The following MECOM variants were observed in gnomAD, a reference collection of about 807,000 sequenced individuals.
MECOM encodes histone-lysine N-methyltransferase MECOM.
MECOM carries 13 observed loss-of-function variants against 116.3 expected under a neutral mutation model. That is an observed-to-expected ratio of 0.11 (90% CI 0.07 to 0.18). The LOEUF (loss-of-function observed/expected upper bound fraction) is 0.18. Among genes scored for constraint, MECOM ranks in the 10% least tolerant of loss-of-function variants. MECOM has a pLI of 1.00. For missense variants in MECOM, 1,299 were observed against 1,509.0 expected, an observed-to-expected ratio of 0.86 and a Z score of 2.31; for synonymous variants, 528 against 535.2, an observed-to-expected ratio of 0.99 and a Z score of 0.19.
chr3:169,098,538 C>T (rs1425698436), intron 12 of MECOM, among the ~76,000 whole-genome samples: 1 of 152,092 alleles, frequency 6.6e-6, no homozygotes, highest in Non-Finnish European at 1.5e-5. Flanking sequence ...GCATTGTTAA[C>T]CCTGATCATT....
At chr3:169,513,704 C>A (rs1014701962) in intron 1 of MECOM, among the ~76,000 whole-genome samples, 6 of 152,148 alleles carry the variant, frequency 3.9e-5, no homozygotes, top group Non-Finnish European at 8.8e-5. Context: ...GGCCTTTTTG[C>A]ATGCATTACA....
intron 1 of MECOM, among the ~76,000 whole-genome samples, chr3:169,605,084 GA>G (rs1378836639): frequency 2.0e-5 from 3 of 152,138 alleles, no homozygotes; most frequent in African/African-American, 4.8e-5. Flanking sequence ...TGGAAGGTCA[GA>G]AAACTCTGAG....
At chr3:169,202,219 C>T (rs1373039932) in intron 2 of MECOM, among the ~76,000 whole-genome samples, 1 of 152,048 alleles carries the variant, frequency 6.6e-6, no homozygotes, top group Admixed American at 6.6e-5. Flanking sequence ...TTCTTACCAC[C>T]TTTTTAAAAA....
At chr3:169,090,387 A>G in intron 14 of MECOM, 151 bp from the exon 15 acceptor site, 1 of 663,460 alleles carries the variant, frequency 1.5e-6, no homozygotes, top group East Asian at 2.8e-5. Context: ...TCAACCATGA[A>G]AAAATAATGT....
intron 1 of MECOM, among the ~76,000 whole-genome samples, chr3:169,583,721 T>TA (rs1475306660): frequency 6.6e-6 from 1 of 152,040 alleles, no homozygotes; most frequent in Middle Eastern, 3.2e-3. Flanking sequence ...CAGAACTCAC[T>TA]ACAGCCTCTA....
intron 1 of MECOM, among the ~76,000 whole-genome samples, chr3:169,615,536 T>A (rs749959466): frequency 6.6e-6 from 1 of 152,166 alleles, no homozygotes; most frequent in African/African-American, 2.4e-5. Flanking sequence ...ATGTTGAAAT[T>A]TTCAAAAATC....
chr3:169,426,360 T>G (rs1303864172), intron 1 of MECOM, among the ~76,000 whole-genome samples: 1 of 152,184 alleles, frequency 6.6e-6, no homozygotes, highest in Non-Finnish European at 1.5e-5. Flanking sequence ...ATTTAATATC[T>G]TGAGGCACAA....
chr3:169,389,494 T>G, intron 1 of MECOM: 1 of 874,634 alleles, frequency 1.1e-6, no homozygotes, highest in Non-Finnish European at 1.4e-6. Context: ...CTTTTATGTT[T>G]TAGCTATGTG....
At chr3:169,318,767 G>T (rs1365108883) in intron 2 of MECOM, among the ~76,000 whole-genome samples, 1 of 152,036 alleles carries the variant, frequency 6.6e-6, no homozygotes, top group Non-Finnish European at 1.5e-5. Context: ...CCCATTACTG[G>T]GTATATACCC....
rs758493062 is a variant in MECOM at position 169,488,372 on chromosome 3, CAAAAAAA to C, written c.38-106855_38-106849del. On this transcript the variant is annotated intron_variant, in intron 1 of 16. Coordinates refer to ENST00000651503, the MANE Select transcript of MECOM (RefSeq NM_004991.4). ...TAAAACCCTGTCTCTACTAAAAATA[CAAAAAAA>C]AAAAAAAAAAAAAAAAATTAGCCAG... is the stretch of plus-strand genomic sequence containing the variant. 3.2e-3 allele frequency among the ~76,000 whole-genome samples: 202 copies of C among 62,400 alleles called. 1 individual carries two copies. Among genetic ancestry groups the C allele is most frequent in the African/African-American group, 6.3e-3 (115 of 18,302 alleles). The allele number at this position is 62,400 out of a possible 152,430, so 40.9% of individuals were successfully genotyped here.
intron 1 of MECOM, among the ~76,000 whole-genome samples, chr3:169,388,112 G>A (rs1026915443): frequency 6.6e-6 from 1 of 151,930 alleles, no homozygotes; most frequent in Non-Finnish European, 1.5e-5. Flanking sequence ...AGAACAGCTC[G>A]GCCAAACCTC....
intron 1 of MECOM, among the ~76,000 whole-genome samples, chr3:169,508,989 T>A (rs1320708113): frequency 2.0e-5 from 3 of 152,038 alleles, no homozygotes; most frequent in Non-Finnish European, 4.4e-5. Flanking sequence ...ACCTAAAGAG[T>A]CTTATGCAAA....
intron 1 of MECOM, among the ~76,000 whole-genome samples, chr3:169,481,454 G>A (rs1357294553): frequency 2.0e-5 from 3 of 152,088 alleles, no homozygotes; most frequent in Non-Finnish European, 4.4e-5. Context: ...TTGGGAGCCC[G>A]AGGCAGGAGA....
chr3:169,585,656 T>C (rs533633806), intron 1 of MECOM, among the ~76,000 whole-genome samples: 3 of 152,248 alleles, frequency 2.0e-5, no homozygotes, highest in East Asian at 3.9e-4. Flanking sequence ...ACCGCAGAGG[T>C]TGTTAACTAT....
At chr3:169,565,911 T>C (rs1014776559) in intron 1 of MECOM, 3 of 441,464 alleles carry the variant, frequency 6.8e-6, no homozygotes, top group Non-Finnish European at 9.0e-6. Flanking sequence ...TTCACACTCC[T>C]TTAAAGAACT....
At chr3:169,139,961 T>C (rs1156950347) in intron 3 of MECOM, among the ~76,000 whole-genome samples, 2 of 106,230 alleles carry the variant, frequency 1.9e-5, no homozygotes, top group African/African-American at 1.3e-4. Flanking sequence ...CTAGTTTTCT[T>C]TAAAAAAAAA....
At chr3:169,604,807 C>T (rs572729347) in intron 1 of MECOM, among the ~76,000 whole-genome samples, 1 of 152,288 alleles carries the variant, frequency 6.6e-6, no homozygotes, top group Admixed American at 6.5e-5. Flanking sequence ...GAAAAACCTC[C>T]CATCCCTAAA....
intron 1 of MECOM, among the ~76,000 whole-genome samples, chr3:169,651,956 T>C (rs1002430988): frequency 3.3e-5 from 5 of 152,232 alleles, no homozygotes; most frequent in Admixed American, 1.3e-4. Flanking sequence ...ATTTTTATTT[T>C]ATACATTCTT....
At chr3:169,155,582 G>C (rs1038337325) in intron 2 of MECOM, among the ~76,000 whole-genome samples, 6 of 151,388 alleles carry the variant, frequency 4.0e-5, no homozygotes, top group African/African-American at 7.4e-5. Flanking sequence ...AAAAACAAAA[G>C]GTAAAGAGCA....
Sources: allele counts gnomAD v4.1 joint callset (sites outside exome capture counted in the v4.1 genomes callset), GRCh38; gene constraint gnomAD v4.1.1; transcripts MANE v1.5; gene names NCBI Gene and HGNC (gene_info 2026-07-23, HGNC 2026-07-21).